Variants in SSH2 observed in about 807,000 individuals in gnomAD.
The protein encoded by SSH2 is slingshot protein phosphatase 2.
Under a neutral mutation model 135.2 loss-of-function variants are expected in SSH2, and 37 were observed. The observed-to-expected ratio is 0.27, with a 90% CI of 0.21 to 0.36. SSH2 has a LOEUF of 0.36. Among genes scored for constraint, SSH2 ranks in the 10% least tolerant of loss-of-function variants. The pLI is 1.00. For synonymous variants in SSH2, 628 were observed against 646.2 expected (o/e 0.97, Z 0.43); for missense variants, 1,408 against 1,765.3 (o/e 0.80, Z 3.63).
intron 1 of SSH2, among the ~76,000 whole-genome samples, chr17:29,889,967 T>A (rs929919795): frequency 8.6e-5 from 13 of 151,732 alleles, no homozygotes; most frequent in African/African-American, 2.2e-4. Flanking sequence ...CTCTAAAAAA[T>A]TTTTTTAATT....
In SSH2 at chr17:29,913,347, A is replaced by AATT. The variant is rs1555543500; in HGVS notation, c.63+16590_63+16591insAAT. On this transcript the variant is annotated intron_variant, in intron 1 of 15. Transcript: ENST00000540801. ...AAAAAAAAAAAAAAAAAAAAAAAAA[A>AATT]ATATATATATATATATATATATATA... is the stretch of plus-strand genomic sequence containing the variant. 3.1e-4 allele frequency among the ~76,000 whole-genome samples: 9 copies of AATT among 28,778 alleles called. 1 individual carries two copies. Among genetic ancestry groups the AATT allele is most frequent in the South Asian group, 2.6e-3 (1 of 386 alleles). 18.9% of individuals were successfully genotyped at this position (28,778 alleles called of 152,430 possible).
chr17:29,708,362 C>T (rs868300998), intron 3 of SSH2, among the ~76,000 whole-genome samples: 1 of 151,848 alleles, frequency 6.6e-6, no homozygotes, highest in Non-Finnish European at 1.5e-5. Flanking sequence ...CCAAGGCGGG[C>T]AGATCACCTG....
intron 2 of SSH2, among the ~76,000 whole-genome samples, chr17:29,826,706 C>A (rs534803356): frequency 1.3e-5 from 2 of 152,170 alleles, no homozygotes; most frequent in East Asian, 3.9e-4. Context: ...AAAAATTAAC[C>A]CTTTTTACCT....
At chr17:29,696,254 A>G (rs927386909) in intron 4 of SSH2, among the ~76,000 whole-genome samples, 7 of 150,164 alleles carry the variant, frequency 4.7e-5, no homozygotes, top group African/African-American at 1.7e-4. Flanking sequence ...CTCCGTCTCA[A>G]AAAATATATA....
At chr17:29,882,022 T>C (rs1411721744) in intron 1 of SSH2, among the ~76,000 whole-genome samples, 1 of 152,228 alleles carries the variant, frequency 6.6e-6, no homozygotes, top group Non-Finnish European at 1.5e-5. Flanking sequence ...GGAAGTCATT[T>C]GGTTACAGAA....
chr17:29,831,371 T>A (rs1415116868), intron 2 of SSH2, among the ~76,000 whole-genome samples: 4 of 152,212 alleles, frequency 2.6e-5, no homozygotes, highest in African/African-American at 9.7e-5. Context: ...CTTTCTCTCC[T>A]GTATTAACTT....
chr17:29,745,323 C>A (rs1033569977), intron 3 of SSH2, among the ~76,000 whole-genome samples: 25 of 152,114 alleles, frequency 1.6e-4, no homozygotes, highest in African/African-American at 5.8e-4. Flanking sequence ...CCACACCCGG[C>A]TAATTTTTGT....
chr17:29,861,494 T>C (rs1294339352), intron 1 of SSH2, among the ~76,000 whole-genome samples: 1 of 152,174 alleles, frequency 6.6e-6, no homozygotes, highest in Non-Finnish European at 1.5e-5. Flanking sequence ...TAAGATAACA[T>C]ATTTACAGGT....
At chr17:29,688,942 G>A (rs1024442412) in intron 5 of SSH2, among the ~76,000 whole-genome samples, 4 of 152,124 alleles carry the variant, frequency 2.6e-5, no homozygotes, top group African/African-American at 9.7e-5. Context: ...GATCGCTTGA[G>A]GTCAGGAGTT....
At chr17:29,898,850 C>A (rs140420235) in intron 1 of SSH2, among the ~76,000 whole-genome samples, 5 of 152,284 alleles carry the variant, frequency 3.3e-5, no homozygotes, top group African/African-American at 1.2e-4. Context: ...TAACCAATAT[C>A]CCTGATGAAC....
intron 1 of SSH2, among the ~76,000 whole-genome samples, chr17:29,859,068 T>G (rs1190528408): frequency 6.6e-6 from 1 of 152,138 alleles, no homozygotes; most frequent in Non-Finnish European, 1.5e-5. Context: ...AATAAATATT[T>G]GTTATTTAAG....
chr17:29,818,218 T>C (rs966642545), intron 2 of SSH2, among the ~76,000 whole-genome samples: 4 of 152,000 alleles, frequency 2.6e-5, no homozygotes, highest in African/African-American at 9.7e-5. Flanking sequence ...TTTTAATCCA[T>C]GGTTGGTTGA....
At chr17:29,712,849 A>AAT (rs1376307112) in intron 3 of SSH2, among the ~76,000 whole-genome samples, 1 of 152,186 alleles carries the variant, frequency 6.6e-6, no homozygotes, top group Non-Finnish European at 1.5e-5. Flanking sequence ...CAGAGAATCT[A>AAT]ATATATCAAC....
At chr17:29,693,964 A>G (rs2038606371) in intron 5 of SSH2, among the ~76,000 whole-genome samples, 1 of 152,198 alleles carries the variant, frequency 6.6e-6, no homozygotes, top group Non-Finnish European at 1.5e-5. Flanking sequence ...TTGAAAAGGG[A>G]GAGGTACTAC....
chr17:29,886,099 G>C (rs1019033294), intron 1 of SSH2, among the ~76,000 whole-genome samples: 1 of 152,142 alleles, frequency 6.6e-6, no homozygotes, highest in Non-Finnish European at 1.5e-5. Context: ...TCGAGGACCC[G>C]GAAGAAGACA....
chr17:29,908,698 A>T (rs2151469444), intron 1 of SSH2, among the ~76,000 whole-genome samples: 1 of 133,364 alleles, frequency 7.5e-6, no homozygotes, highest in African/African-American at 2.8e-5. Flanking sequence ...TGGGAGGCGG[A>T]GGTTGCAGTG....
rs189199372 is a variant in SSH2, at chr17:29,792,743, C to T, written c.188+1151G>A. ...CCAAGCTGGAGTGCAGTGGCGCGAT[C>T]TCGGCTCACTGCAAGCTCCGCCTCC... On this transcript the variant is annotated intron_variant, in intron 3 of 15. Transcript: ENST00000540801. Among the ~76,000 whole-genome samples, 1,025 of 152,318 alleles carry T rather than the reference C, an allele frequency of 6.7e-3. 5 individuals carry two copies. Among genetic ancestry groups the T allele is most frequent in the Admixed American group, 0.014 (214 of 15,292 alleles).
chr17:29,661,367 C>T (rs2037034044), intron 11 of SSH2, among the ~76,000 whole-genome samples: 1 of 152,120 alleles, frequency 6.6e-6, no homozygotes, highest in South Asian at 2.1e-4. Context: ...CAAATGTGAC[C>T]AGTAAATGAA....
chr17:29,804,241 C>G (rs1005694576), intron 2 of SSH2, among the ~76,000 whole-genome samples: 1 of 152,122 alleles, frequency 6.6e-6, no homozygotes, highest in African/African-American at 2.4e-5. Context: ...CTTAAATAAA[C>G]AAACTTTCTT....
Sources: gnomAD v4.1 joint callset for allele counts (sites outside exome capture counted in the v4.1 genomes callset) on GRCh38, gnomAD v4.1.1 for gene constraint, MANE v1.5 for transcripts, NCBI Gene and HGNC (gene_info 2026-07-23, HGNC 2026-07-21) for gene names.